MEIS2: variants seen among roughly 807,000 people sequenced by gnomAD.
MEIS2 encodes the protein Meis homeobox 2.
Under a neutral mutation model 58.6 loss-of-function variants are expected in MEIS2, and 9 were observed. The ratio of observed to expected loss-of-function variants is 0.15; its 90% confidence interval spans 0.09 to 0.27. The LOEUF (loss-of-function observed/expected upper bound fraction) is 0.27, where lower values mean the gene tolerates loss of function less well. Among genes scored for constraint, MEIS2 ranks in the 10% least tolerant of loss-of-function variants. The pLI, the probability that MEIS2 is intolerant of heterozygous loss-of-function variation, is 1.00. For missense variants in MEIS2, 427 were observed against 635.0 expected, an observed-to-expected ratio of 0.67 and a Z score of 3.52; for synonymous variants, 221 against 228.4, an observed-to-expected ratio of 0.97 and a Z score of 0.29.
At position 37,083,759 on chromosome 15, in the gene MEIS2, T is replaced by C; in HGVS notation, c.754+12A>G. On this transcript the variant is annotated intron_variant, in intron 7 of 11. Coordinates refer to ENST00000561208, the MANE Select transcript of MEIS2 (RefSeq NM_170675.5). ...TGCCTACTTTGCACGAGGAAAATGT[T>C]TGACCTTTTACCTTGCTCACTGCTG... 6.2e-7 allele frequency: 1 copy of C among 1,609,082 alleles called. No individual in the cohort carries two copies. The highest frequency in any genetic ancestry group is 8.5e-7 in the Non-Finnish European group (1 of 1,176,968).
At chr15:37,086,767 C>G (rs956988007) in intron 6 of MEIS2, among the ~76,000 whole-genome samples, 1 of 152,134 alleles carries the variant, frequency 6.6e-6, no homozygotes, top group Non-Finnish European at 1.5e-5. Context: ...GGAGTTACCA[C>G]AAGTTGTTTG....
intron 8 of MEIS2, among the ~76,000 whole-genome samples, chr15:36,972,641 T>TG (rs1490760511): frequency 2.0e-5 from 3 of 152,202 alleles, no homozygotes; most frequent in African/African-American, 4.8e-5. Context: ...CTTTCAATAG[T>TG]GTACTCTGAT....
intron 8 of MEIS2, among the ~76,000 whole-genome samples, chr15:37,019,294 A>G (rs2061446154): frequency 6.6e-6 from 1 of 152,150 alleles, no homozygotes; most frequent in Non-Finnish European, 1.5e-5. Flanking sequence ...AAGAATTTCT[A>G]CCTTTCTGTT....
At chr15:37,003,817 CT>C (rs2060822685) in intron 8 of MEIS2, among the ~76,000 whole-genome samples, 1 of 152,008 alleles carries the variant, frequency 6.6e-6, no homozygotes, top group African/African-American at 2.4e-5. Flanking sequence ...GGATTAGTGC[CT>C]TTATAAAAGA....
At chr15:37,000,167 A>G (rs2060669280) in intron 8 of MEIS2, among the ~76,000 whole-genome samples, 1 of 152,204 alleles carries the variant, frequency 6.6e-6, no homozygotes, top group South Asian at 2.1e-4. Context: ...CAGTGTCTCA[A>G]TTGGTTGAAT....
intron 9 of MEIS2, among the ~76,000 whole-genome samples, chr15:36,945,123 T>G (rs2058515199): frequency 6.6e-6 from 1 of 152,038 alleles, no homozygotes; most frequent in South Asian, 2.1e-4. Context: ...CTTCTAGCAC[T>G]TACCCTGCCT....
At chr15:36,971,264 G>A (rs1353691714) in intron 8 of MEIS2, among the ~76,000 whole-genome samples, 1 of 151,866 alleles carries the variant, frequency 6.6e-6, no homozygotes, top group African/African-American at 2.4e-5. Context: ...TCGAAGGCTG[G>A]TATAAAACAC....
At chr15:37,023,954 C>A (rs144444362) in intron 8 of MEIS2, among the ~76,000 whole-genome samples, 2 of 138,868 alleles carry the variant, frequency 1.4e-5, no homozygotes, top group Admixed American at 1.5e-4. Flanking sequence ...TGTTTTGTTG[C>A]CCAGGCTGGA....
intron 8 of MEIS2, among the ~76,000 whole-genome samples, chr15:36,965,779 C>T (rs2059333961): frequency 6.6e-6 from 1 of 152,168 alleles, no homozygotes; most frequent in Non-Finnish European, 1.5e-5. Context: ...GTCTGCAACA[C>T]ACTGCGATAA....
intron 7 of MEIS2, among the ~76,000 whole-genome samples, chr15:37,074,644 G>T (rs1891141786): frequency 1.3e-5 from 2 of 151,928 alleles, no homozygotes; most frequent in African/African-American, 4.8e-5. Context: ...AGTAATAAAG[G>T]AACCAACGGT....
At chr15:36,895,119 G>A (rs772086576) in intron 11 of MEIS2, 32 bp downstream of exon 11, 3 of 1,580,486 alleles carry the variant, frequency 1.9e-6, no homozygotes, top group Non-Finnish European at 2.6e-6. Context: ...GCACTTCCCA[G>A]GGAAGCCCAG....
At chr15:36,950,430 G>A (rs1188146308) in intron 8 of MEIS2, 30 bp from the exon 9 acceptor site, 4 of 1,594,408 alleles carry the variant, frequency 2.5e-6, no homozygotes, top group Non-Finnish European at 3.4e-6. Context: ...TTTAAAAGAT[G>A]GATCAGAAGT....
chr15:36,930,125 C>G (rs1001935339), intron 9 of MEIS2, among the ~76,000 whole-genome samples: 1 of 150,172 alleles, frequency 6.7e-6, no homozygotes, highest in African/African-American at 2.5e-5. Flanking sequence ...ATTGTTTGAA[C>G]CCAGGAGACA....
At chr15:37,064,993 A>G (rs1373931209) in intron 7 of MEIS2, among the ~76,000 whole-genome samples, 4 of 152,208 alleles carry the variant, frequency 2.6e-5, no homozygotes. Context: ...TGAACATAGG[A>G]TACTACGTGA....
rs1894604857 is a variant in MEIS2 at position 37,098,379 on chromosome 15, G to GA, written c.13-181_13-180insT. The GA allele has an allele frequency of 5.5e-5, 17 of 307,902 alleles. No individual in the cohort carries two copies. The African/African-American group carries it at 8.2e-4, about 15-fold the overall frequency. The allele number at this position is 307,902 out of a possible 1,614,324, so 19.1% of individuals were successfully genotyped here. On this transcript the variant is annotated intron_variant, in intron 1 of 11. Coordinates refer to ENST00000561208, the MANE Select transcript of MEIS2 (RefSeq NM_170675.5). ...GAGGAGGAGGAAAAGGAGGAGAGGG[G>GA]GAGAGAGAGAGAGAGAGAGAGAGAG...
At chr15:37,047,697 T>C (rs1377602319) in intron 7 of MEIS2, among the ~76,000 whole-genome samples, 1 of 152,226 alleles carries the variant, frequency 6.6e-6, no homozygotes, top group Non-Finnish European at 1.5e-5. Flanking sequence ...TGTTATGATA[T>C]ATGAGTCTCA....
chr15:36,958,936 C>CTTA (rs2059087442), intron 8 of MEIS2, among the ~76,000 whole-genome samples: 1 of 152,080 alleles, frequency 6.6e-6, no homozygotes, highest in Non-Finnish European at 1.5e-5. Flanking sequence ...GAATTTTGTA[C>CTTA]TTATTTATTT....
intron 7 of MEIS2, among the ~76,000 whole-genome samples, chr15:37,044,323 T>C (rs2062571162): frequency 1.3e-5 from 2 of 152,222 alleles, no homozygotes; most frequent in African/African-American, 4.8e-5. Flanking sequence ...TTCACATTTA[T>C]GTCCTAGAGA....
chr15:36,950,850 T>C (rs1001147130), intron 8 of MEIS2, among the ~76,000 whole-genome samples: 3 of 152,096 alleles, frequency 2.0e-5, no homozygotes, highest in African/African-American at 7.2e-5. Flanking sequence ...TTTGAGATTA[T>C]TGACAGTAAA....
Sources: allele counts gnomAD v4.1 joint callset (sites outside exome capture counted in the v4.1 genomes callset), GRCh38; gene constraint gnomAD v4.1.1; transcripts MANE v1.5; gene names NCBI Gene and HGNC (gene_info 2026-07-23, HGNC 2026-07-21).